Variants in RGS6 observed in about 807,000 individuals in gnomAD.
The protein encoded by RGS6 is regulator of G-protein signaling 6.
Under a neutral mutation model 78.5 loss-of-function variants are expected in RGS6, and 30 were observed. The observed-to-expected ratio is 0.38, with a 90% CI of 0.29 to 0.52. The LOEUF is 0.52. RGS6 is among the 20% of genes least tolerant of loss of function. RGS6 has a pLI of 0.85. For synonymous variants in RGS6, 206 were observed against 206.0 expected, an observed-to-expected ratio of 1.00 and a Z score of 0.00; for missense variants, 495 against 609.7, an observed-to-expected ratio of 0.81 and a Z score of 1.98.
chr14:72,486,902 G>A (rs2096496671), intron 12 of RGS6, among the ~76,000 whole-genome samples: 1 of 152,166 alleles, frequency 6.6e-6, no homozygotes. Flanking sequence ...CATAAGGGAA[G>A]AGGAGATCGC....
At chr14:72,063,124 G>C (rs1297762589) in intron 2 of RGS6, among the ~76,000 whole-genome samples, 1 of 152,150 alleles carries the variant, frequency 6.6e-6, no homozygotes, top group Admixed American at 6.5e-5. Context: ...CGCCTGGCCT[G>C]GATGAAATTC....
intron 2 of RGS6, among the ~76,000 whole-genome samples, chr14:72,124,543 G>A (rs2096140240): frequency 6.6e-6 from 1 of 152,118 alleles, no homozygotes; most frequent in South Asian, 2.1e-4. Flanking sequence ...TGTGTCTTAG[G>A]CATTTGAAAT....
At chr14:72,453,615 C>CAAAAAA (rs60280790) in intron 3 of RGS6, among the ~76,000 whole-genome samples, 2 of 52,064 alleles carry the variant, frequency 3.8e-5, no homozygotes, top group African/African-American at 1.3e-4. Flanking sequence ...GACTCCGTCT[C>CAAAAAA]AAAAAAAAAA....
chr14:71,870,754 A>G, the RGS6 span, among the ~76,000 whole-genome samples: 12 of 152,202 alleles, frequency 7.9e-5, no homozygotes, highest in African/African-American at 2.9e-4. Context: ...GATGACAACC[A>G]GGTGCATAGG....
At chr14:71,904,935 T>C in the RGS6 span, among the ~76,000 whole-genome samples, 2 of 152,156 alleles carry the variant, frequency 1.3e-5, no homozygotes, top group East Asian at 3.8e-4. Context: ...CCTAGCATAG[T>C]TTTTCCTCAG....
chr14:72,464,279 A>G lies in RGS6; in HGVS notation c.395-1479A>G, dbSNP rs142300797. On this transcript the variant is annotated intron_variant, in intron 6 of 17. Transcript: ENST00000553525. ...ATTCAACTGAGTTTTCATAGAAGCA[A>G]CACTCTCTCTCTTTTCACATTAATT... 6.4e-3 allele frequency among the ~76,000 whole-genome samples: 977 copies of G among 152,310 alleles called. 4 individuals carry two copies. The highest frequency in any genetic ancestry group is 0.015 in the African/African-American group (608 of 41,576).
chr14:72,348,512 C>G (rs79387502), intron 2 of RGS6, among the ~76,000 whole-genome samples: 1 of 152,098 alleles, frequency 6.6e-6, no homozygotes, highest in Admixed American at 6.5e-5. Context: ...ACTCTTGGGA[C>G]TTCTCCAGAA....
At chr14:71,919,613 G>C in the RGS6 span, among the ~76,000 whole-genome samples, 1 of 152,154 alleles carries the variant, frequency 6.6e-6, no homozygotes, top group Non-Finnish European at 1.5e-5. Flanking sequence ...GTGTGTGCTG[G>C]GGGTGGGAGA....
the RGS6 span, among the ~76,000 whole-genome samples, chr14:71,907,548 T>C: frequency 6.6e-6 from 1 of 152,086 alleles, no homozygotes; most frequent in Non-Finnish European, 1.5e-5. Flanking sequence ...AGGGAGGTCC[T>C]TGCTTGTAGA....
At chr14:72,509,256 T>A (rs1421748045) in intron 13 of RGS6, among the ~76,000 whole-genome samples, 3 of 151,696 alleles carry the variant, frequency 2.0e-5, no homozygotes, top group Non-Finnish European at 4.4e-5. Flanking sequence ...TCCCCGCTAT[T>A]CGGGAGGCTG....
the RGS6 span, among the ~76,000 whole-genome samples, chr14:71,917,948 C>A: frequency 6.6e-6 from 1 of 151,796 alleles, no homozygotes. Flanking sequence ...CCGAGACGGG[C>A]GCATCACGAG....
chr14:72,130,330 C>T (rs1291242037), intron 2 of RGS6, among the ~76,000 whole-genome samples: 1 of 152,112 alleles, frequency 6.6e-6, no homozygotes, highest in East Asian at 1.9e-4. Flanking sequence ...ACAATGCAGG[C>T]TTCATTGCAC....
intron 2 of RGS6, among the ~76,000 whole-genome samples, chr14:72,067,615 T>C (rs2094212824): frequency 6.6e-6 from 1 of 152,208 alleles, no homozygotes; most frequent in Non-Finnish European, 1.5e-5. Context: ...AGACTATGAA[T>C]AACTTCACAT....
intron 2 of RGS6, among the ~76,000 whole-genome samples, chr14:72,319,735 G>T (rs8018927): frequency 0.12 from 18,575 of 152,154 alleles, 1,126 homozygotes; most frequent in East Asian, 0.17. Flanking sequence ...TAGAGGATAT[G>T]ATGGGCAGGA....
At chr14:71,909,588 AAG>A in the RGS6 span, among the ~76,000 whole-genome samples, 2 of 51,338 alleles carry the variant, frequency 3.9e-5, no homozygotes, top group African/African-American at 6.9e-5. Flanking sequence ...GAGAGAGGGA[AAG>A]AGAGAGACAG....
chr14:72,628,636 AAGAGAG>A, the RGS6 span, among the ~76,000 whole-genome samples: 30 of 149,696 alleles, frequency 2.0e-4, no homozygotes, highest in African/African-American at 6.8e-4. Context: ...GTCTTGCCAA[AAGAGAG>A]AGAGAGAGAG....
chr14:72,611,453 G>A, the RGS6 span, among the ~76,000 whole-genome samples: 6 of 152,186 alleles, frequency 3.9e-5, no homozygotes, highest in African/African-American at 4.8e-5. Context: ...AGATACAGGC[G>A]TGGGGCAGCT....
chr14:72,396,702 A>G (rs2091366927), intron 3 of RGS6, among the ~76,000 whole-genome samples: 1 of 152,168 alleles, frequency 6.6e-6, no homozygotes, highest in African/African-American at 2.4e-5. Flanking sequence ...TCTTTAATCC[A>G]TCTTGAATTA....
At chr14:72,541,333 G>A in intron 17 of RGS6, 2 of 1,337,776 alleles carry the variant, frequency 1.5e-6, no homozygotes, top group Admixed American at 2.4e-5. Flanking sequence ...CATTTTAAGT[G>A]CATTTAAACA....
Sources: gnomAD v4.1 joint callset for allele counts (sites outside exome capture counted in the v4.1 genomes callset) on GRCh38, gnomAD v4.1.1 for gene constraint, MANE v1.5 for transcripts, NCBI Gene and HGNC (gene_info 2026-07-23, HGNC 2026-07-21) for gene names.